DHRSX: variants seen among roughly 807,000 people sequenced by gnomAD.
DHRSX encodes the protein polyprenol dehydrogenase.
DHRSX carries 31 observed loss-of-function variants against 34.0 expected under a neutral mutation model. That is an observed-to-expected ratio of 0.91 (90% CI 0.69 to 1.23). The LOEUF is 1.23. Among genes scored for constraint, DHRSX ranks in the 50% most tolerant of loss-of-function variants. The pLI, the probability that DHRSX is intolerant of heterozygous loss-of-function variation, is 0.00. For missense variants in DHRSX, 414 were observed against 428.1 expected, an observed-to-expected ratio of 0.97 and a Z score of 0.29; for synonymous variants, 201 against 183.8, an observed-to-expected ratio of 1.09 and a Z score of -0.76.
intron 3 of DHRSX, among the ~76,000 whole-genome samples, chrX:2,396,376 T>TTTTTC (rs1491304252): frequency 3.3e-3 from 40 of 12,292 alleles, no homozygotes; most frequent in Non-Finnish European, 5.7e-3. Context: ...TTTCTTTTTC[T>TTTTTC]TTTTTTTTTT....
intron 1 of DHRSX, among the ~76,000 whole-genome samples, chrX:2,429,346 A>G (rs1031926260): frequency 1.4e-4 from 22 of 152,190 alleles, no homozygotes; most frequent in Admixed American, 3.9e-4. Context: ...GTGTACATAC[A>G]TATTTCTCAG....
intron 5 of DHRSX, among the ~76,000 whole-genome samples, chrX:2,243,798 T>G (rs867466528): frequency 0.018 from 1,646 of 93,780 alleles, 149 homozygotes; most frequent in African/African-American, 0.072. Flanking sequence ...GTTTTTTTTT[T>G]TTTTTTTTTT....
intron 3 of DHRSX, among the ~76,000 whole-genome samples, chrX:2,324,048 C>A (rs1216249967): frequency 5.4e-5 from 6 of 112,128 alleles, no homozygotes; most frequent in African/African-American, 1.9e-4. Flanking sequence ...CAGATGGAGA[C>A]CCTGTCTGGA....
chrX:2,383,634 C>T (rs185565077), intron 3 of DHRSX, among the ~76,000 whole-genome samples: 169 of 152,262 alleles, frequency 1.1e-3, no homozygotes, highest in African/African-American at 3.9e-3. Context: ...TTCCTTTGGC[C>T]AGTACTTTTT....
At chrX:2,385,128 G>A (rs911470485) in intron 3 of DHRSX, among the ~76,000 whole-genome samples, 2 of 134,390 alleles carry the variant, frequency 1.5e-5, no homozygotes, top group African/African-American at 2.6e-5. Flanking sequence ...GTGTGTGTGT[G>A]TGTGTGTGTA....
intron 3 of DHRSX, among the ~76,000 whole-genome samples, chrX:2,311,517 G>A (rs1246261401): frequency 6.6e-6 from 1 of 152,106 alleles, no homozygotes; most frequent in Non-Finnish European, 1.5e-5. Context: ...CTGACTCCCA[G>A]GTCTAGTCTA....
intron 3 of DHRSX, among the ~76,000 whole-genome samples, chrX:2,397,230 G>A (rs1455083240): frequency 6.6e-6 from 1 of 152,050 alleles, no homozygotes; most frequent in South Asian, 2.1e-4. Context: ...GAAGTCCTGG[G>A]CTCAAGCGAT....
chrX:2,429,133 G>A (rs2043885568), intron 1 of DHRSX, among the ~76,000 whole-genome samples: 1 of 152,118 alleles, frequency 6.6e-6, no homozygotes, highest in Non-Finnish European at 1.5e-5. Context: ...GATAGAACCT[G>A]TACAATGACA....
chrX:2,360,708 G>C (rs2124586976), intron 3 of DHRSX, among the ~76,000 whole-genome samples: 1 of 152,068 alleles, frequency 6.6e-6, no homozygotes, highest in Admixed American at 6.6e-5. Flanking sequence ...AGTTTGGTAA[G>C]AACATCCTTG....
intron 3 of DHRSX, among the ~76,000 whole-genome samples, chrX:2,321,422 T>G (rs1388482797): frequency 6.6e-6 from 1 of 152,138 alleles, no homozygotes. Context: ...CCGAATCTCA[T>G]GTGTGGAAAC....
chrX:2,257,173 C>A (rs2041291163), intron 5 of DHRSX, among the ~76,000 whole-genome samples: 1 of 152,204 alleles, frequency 6.6e-6, no homozygotes, highest in Non-Finnish European at 1.5e-5. Context: ...CCAGGCTGGT[C>A]TTGAACTCCT....
intron 3 of DHRSX, among the ~76,000 whole-genome samples, chrX:2,359,473 C>T (rs1330260335): frequency 1.3e-5 from 2 of 152,032 alleles, no homozygotes; most frequent in Non-Finnish European, 2.9e-5. Flanking sequence ...GTCAGGAGTT[C>T]GAGACCAGTC....
chrX:2,364,715 ATCT>A, intron 3 of DHRSX, among the ~76,000 whole-genome samples: 1 of 78,056 alleles, frequency 1.3e-5, no homozygotes, highest in Non-Finnish European at 4.7e-5. Context: ...ACCATTTATT[ATCT>A]ATCAAGTACA....
intron 4 of DHRSX, among the ~76,000 whole-genome samples, chrX:2,276,892 A>G (rs866899843): frequency 1.9e-3 from 26 of 13,630 alleles, no homozygotes; most frequent in African/African-American, 4.5e-3. Flanking sequence ...GAAATAGGGG[A>G]AAGAGAGAAA....
intron 3 of DHRSX, among the ~76,000 whole-genome samples, chrX:2,360,297 T>C (rs2042912575): frequency 6.6e-6 from 1 of 152,132 alleles, no homozygotes; most frequent in African/African-American, 2.4e-5. Context: ...AAGAGGGTTA[T>C]AATGGGGCCA....
At chrX:2,265,961 C>CTT (rs2041458687) in intron 5 of DHRSX, among the ~76,000 whole-genome samples, 2 of 134,480 alleles carry the variant, frequency 1.5e-5, no homozygotes, top group Admixed American at 7.2e-5. Flanking sequence ...CACCAGTGTA[C>CTT]AGCAGATGCA....
intron 2 of DHRSX, 114 bp from the exon 3 acceptor site, chrX:2,408,927 C>T: frequency 2.3e-6 from 2 of 870,960 alleles, no homozygotes; most frequent in Non-Finnish European, 3.6e-6. Context: ...TGAAATGTGC[C>T]TTTGATGGAC....
intron 3 of DHRSX, among the ~76,000 whole-genome samples, chrX:2,327,727 TAAGG>T (rs1376267810): frequency 2.0e-5 from 3 of 151,986 alleles, no homozygotes; most frequent in South Asian, 2.1e-4. Flanking sequence ...AAGAGGTGAT[TAAGG>T]TAAAACAAAG....
At position 2,500,592 on chromosome X, in the gene DHRSX, G is replaced by A. The variant is rs1255895739; in HGVS notation, c.109+225C>T. On this transcript the variant is annotated intron_variant, in intron 1 of 6. Transcript: ENST00000334651. ...GGTCGGGCCGGGTCGGGCCGGGCCAGGCGCGCAGAAGAGCCGGCGGGGACG... is the reference window on the plus strand; with the variant it reads ...GGTCGGGCCGGGTCGGGCCGGGCCAAGCGCGCAGAAGAGCCGGCGGGGACG... 9 of 196,240 alleles carry A rather than the reference G, an allele frequency of 4.6e-5. No individual in the cohort carries two copies. The East Asian group carries it at 1.1e-3, about 24-fold the overall frequency. 12.2% of individuals were successfully genotyped at this position (196,240 alleles called of 1,614,324 possible).
Sources: allele counts gnomAD v4.1 joint callset (sites outside exome capture counted in the v4.1 genomes callset), GRCh38; gene constraint gnomAD v4.1.1; transcripts MANE v1.5; gene names NCBI Gene and HGNC (gene_info 2026-07-23, HGNC 2026-07-21).